Variants in RASSF8 observed in about 807,000 individuals in gnomAD.
RASSF8 encodes ras association domain-containing protein 8.
Under a neutral mutation model 48.5 loss-of-function variants are expected in RASSF8, and 22 were observed. The observed-to-expected ratio is 0.45, with a 90% CI of 0.32 to 0.65. The LOEUF (loss-of-function observed/expected upper bound fraction) is 0.65. Among genes scored for constraint, RASSF8 ranks in the 30% least tolerant of loss-of-function variants. The probability of loss-of-function intolerance (pLI) is 0.03; values close to 1 mark genes in which losing one functional copy is unlikely to be tolerated. For synonymous variants in RASSF8, 127 were observed against 171.5 expected, an observed-to-expected ratio of 0.74 and a Z score of 2.03; for missense variants, 418 against 489.2, an observed-to-expected ratio of 0.85 and a Z score of 1.37.
intron 2 of RASSF8, among the ~76,000 whole-genome samples, chr12:26,000,548 A>G (rs1448662367): frequency 6.6e-6 from 1 of 152,194 alleles, no homozygotes; most frequent in Non-Finnish European, 1.5e-5. Context: ...CTGTCACTTA[A>G]CGGGAATACA....
chr12:26,040,735 A>G (rs1041814024), intron 2 of RASSF8, among the ~76,000 whole-genome samples: 3 of 151,914 alleles, frequency 2.0e-5, no homozygotes, highest in African/African-American at 7.3e-5. Flanking sequence ...GTAACTGCTG[A>G]CCCTTTCTTG....
chr12:26,039,039 T>G (rs1357926587), intron 2 of RASSF8, among the ~76,000 whole-genome samples: 1 of 152,212 alleles, frequency 6.6e-6, no homozygotes, highest in East Asian at 1.9e-4. Flanking sequence ...AGCATTAGAA[T>G]CACAGAACTG....
At chr12:25,978,944 C>T (rs1024123067) in intron 1 of RASSF8, among the ~76,000 whole-genome samples, 1 of 152,026 alleles carries the variant, frequency 6.6e-6, no homozygotes, top group Non-Finnish European at 1.5e-5. Flanking sequence ...TAATAGAATA[C>T]CAGATCTGGA....
At chr12:26,016,839 A>G (rs888355434) in intron 2 of RASSF8, among the ~76,000 whole-genome samples, 1 of 152,194 alleles carries the variant, frequency 6.6e-6, no homozygotes, top group African/African-American at 2.4e-5. Context: ...ACAAAACAGG[A>G]TAGATAATGA....
Position 26,034,564 on chromosome 12 carries a change from C to T in RASSF8, c.-108-20672C>T, listed in dbSNP as rs140373975. Among the ~76,000 whole-genome samples, 293 of 152,224 alleles carry T rather than the reference C, an allele frequency of 1.9e-3. 2 individuals carry two copies. The highest frequency in any genetic ancestry group is 6.8e-3 in the African/African-American group (282 of 41,540). On this transcript the variant is annotated intron_variant, in intron 2 of 5. Coordinates refer to ENST00000689635, the MANE Select transcript of RASSF8 (RefSeq NM_001394098.1). ...TTCCTACCACTTCCAAAATTAAACTCATTCTTTTCAGTGGGAATGACTAAG... is the reference window on the plus strand; with the variant it reads ...TTCCTACCACTTCCAAAATTAAACTTATTCTTTTCAGTGGGAATGACTAAG...
At chr12:26,023,108 G>A (rs1942826144) in intron 2 of RASSF8, among the ~76,000 whole-genome samples, 2 of 152,032 alleles carry the variant, frequency 1.3e-5, no homozygotes, top group Non-Finnish European at 2.9e-5. Context: ...TAAAGATTAT[G>A]CAATTCAAAA....
chr12:26,006,821 C>A (rs541205849), intron 2 of RASSF8, among the ~76,000 whole-genome samples: 1 of 152,216 alleles, frequency 6.6e-6, no homozygotes, highest in East Asian at 1.9e-4. Context: ...AGGTCACATT[C>A]ATCTTTCTTA....
intron 4 of RASSF8, among the ~76,000 whole-genome samples, chr12:26,067,307 G>T (rs546202620): frequency 6.6e-6 from 1 of 152,204 alleles, no homozygotes; most frequent in African/African-American, 2.4e-5. Context: ...GTGCATAATG[G>T]TTTTCCAGAG....
intron 1 of RASSF8, among the ~76,000 whole-genome samples, chr12:25,966,371 T>C (rs1941360181): frequency 6.6e-6 from 1 of 152,160 alleles, no homozygotes; most frequent in South Asian, 2.1e-4. Flanking sequence ...GCCCGGCTGT[T>C]TTTTAAAATA....
chr12:25,964,364 A>G (rs764065249), intron 1 of RASSF8, among the ~76,000 whole-genome samples: 42 of 151,072 alleles, frequency 2.8e-4, no homozygotes, highest in Non-Finnish European at 5.2e-4. Context: ...TCCAAATTTT[A>G]TGTATGCAGC....
Position 26,064,683 on chromosome 12 carries a change from C to A in RASSF8, c.289C>A (p.Pro97Thr), listed in dbSNP as rs371963534. The change falls in exon 4 of 6, where the codon CCT (proline) becomes ACT (threonine). Residue 97 changes from proline to threonine, a missense_variant. By Grantham distance (38) the Pro-to-Thr change is conservative. Coordinates refer to ENST00000689635, the MANE Select transcript of RASSF8 (RefSeq NM_001394098.1). ...CACTTCAGACAGTGTGGCTCGAATT[C>A]CTGAAAGAACTTTATACAGGCAGAG... ...RPTSDSVARI[P>T]ERTLYRQSLP... 1.5e-5 allele frequency: 24 copies of A among 1,613,892 alleles called. No homozygotes were observed. Among genetic ancestry groups the A allele is most frequent in the Non-Finnish European group, 1.9e-5 (22 of 1,179,970 alleles).
intron 2 of RASSF8, among the ~76,000 whole-genome samples, chr12:26,031,872 A>G (rs1336674683): frequency 6.6e-6 from 1 of 152,216 alleles, no homozygotes; most frequent in Non-Finnish European, 1.5e-5. Context: ...AGATGCTTCA[A>G]TGGCTTAATC....
intron 2 of RASSF8, among the ~76,000 whole-genome samples, chr12:26,010,820 T>A (rs561705214): frequency 8.6e-5 from 13 of 151,916 alleles, no homozygotes; most frequent in Middle Eastern, 3.2e-3. Context: ...GAGAGACTTC[T>A]GTATACCTAA....
At chr12:25,992,934 G>C (rs144726135) in intron 1 of RASSF8, among the ~76,000 whole-genome samples, 82 of 152,322 alleles carry the variant, frequency 5.4e-4, no homozygotes, top group African/African-American at 1.9e-3. Flanking sequence ...AAAAGCAGTA[G>C]GATAATAGGA....
intron 2 of RASSF8, among the ~76,000 whole-genome samples, chr12:26,000,397 AAAT>A (rs1478135000): frequency 6.6e-6 from 1 of 152,206 alleles, no homozygotes. Context: ...CTAAAAATTA[AAAT>A]AATTTAATTT....
chr12:26,050,384 G>A (rs1943466154), intron 2 of RASSF8, among the ~76,000 whole-genome samples: 1 of 152,106 alleles, frequency 6.6e-6, no homozygotes, highest in Non-Finnish European at 1.5e-5. Context: ...TTCTGTCCCA[G>A]ACCTAACTCT....
intron 2 of RASSF8, chr12:26,020,585 G>GT (rs1942764955): frequency 2.6e-5 from 4 of 152,006 alleles, no homozygotes; most frequent in Admixed American, 6.6e-5. Flanking sequence ...CATGAGCTGA[G>GT]CTATCTGCTG....
At chr12:26,044,391 T>G (rs1943329303) in intron 2 of RASSF8, among the ~76,000 whole-genome samples, 3 of 152,222 alleles carry the variant, frequency 2.0e-5, no homozygotes, top group African/African-American at 7.2e-5. Flanking sequence ...TATATTTATG[T>G]AAGCATAGCA....
chr12:26,057,100 TTGTG>T (rs57510363), intron 3 of RASSF8, among the ~76,000 whole-genome samples: 32 of 128,952 alleles, frequency 2.5e-4, no homozygotes, highest in African/African-American at 6.4e-4. Context: ...AATGACACTT[TTGTG>T]TGTGTGTGTG....
Sources: allele counts gnomAD v4.1 joint callset (sites outside exome capture counted in the v4.1 genomes callset), GRCh38; gene constraint gnomAD v4.1.1; transcripts MANE v1.5; gene names NCBI Gene and HGNC (gene_info 2026-07-23, HGNC 2026-07-21).